Variants in ADAMTS19 observed in about 807,000 individuals in gnomAD.
ADAMTS19 encodes the protein A disintegrin and metalloproteinase with thrombospondin motifs 19.
ADAMTS19 carries 93 observed loss-of-function variants against 153.3 expected under a neutral mutation model. That is an observed-to-expected ratio of 0.61 (90% confidence interval 0.51 to 0.72). The LOEUF (loss-of-function observed/expected upper bound fraction) is 0.72. Ranked by LOEUF, ADAMTS19 falls within the 30% of genes least tolerant of loss-of-function variation. The pLI, the probability that ADAMTS19 is intolerant of heterozygous loss-of-function variation, is 0.00. For missense variants in ADAMTS19, 1,482 were observed against 1,552.1 expected (o/e 0.95, Z 0.76); for synonymous variants, 600 against 556.6 (o/e 1.08, Z -1.10).
At chr5:129,694,266 T>C (rs1755459894) in intron 18 of ADAMTS19, among the ~76,000 whole-genome samples, 2 of 152,276 alleles carry the variant, frequency 1.3e-5, no homozygotes, top group East Asian at 3.9e-4. Context: ...AATAATATCT[T>C]CATTGTTCTA....
At chr5:129,664,302 T>C (rs961593232) in intron 15 of ADAMTS19, among the ~76,000 whole-genome samples, 1 of 152,208 alleles carries the variant, frequency 6.6e-6, no homozygotes, top group African/African-American at 2.4e-5. Flanking sequence ...ATAAGCTCAC[T>C]GAGGGTAGAG....
At chr5:129,583,301 C>T (rs1239302566) in intron 7 of ADAMTS19, among the ~76,000 whole-genome samples, 3 of 152,156 alleles carry the variant, frequency 2.0e-5, no homozygotes, top group African/African-American at 7.2e-5. Flanking sequence ...ATGGGCTTCC[C>T]TTTGTGGATA....
At chr5:129,710,889 G>GT (rs1189004457) in intron 21 of ADAMTS19, among the ~76,000 whole-genome samples, 4 of 151,986 alleles carry the variant, frequency 2.6e-5, no homozygotes, top group Non-Finnish European at 5.9e-5. Context: ...TGCTTTTGTT[G>GT]TTTTTTTCTT....
intron 21 of ADAMTS19, among the ~76,000 whole-genome samples, chr5:129,711,392 T>C (rs1356860693): frequency 6.6e-6 from 1 of 152,280 alleles, no homozygotes; most frequent in African/African-American, 2.4e-5. Context: ...CTGACAATTC[T>C]TGACTGGGCA....
rs568079765 is a variant in ADAMTS19, at chr5:129,559,690, A to G, written c.1372+7783A>G. ...TCCTATATGCATTAAAGACATGTTT[A>G]TGATAGAAATGCAAACATATATCCA... On this transcript the variant is annotated intron_variant, in intron 7 of 22. Coordinates refer to ENST00000274487, the MANE Select transcript of ADAMTS19 (RefSeq NM_133638.6). Among the ~76,000 whole-genome samples the G allele has an allele frequency of 8.3e-4, 127 of 152,290 alleles. 1 individual carries two copies. The highest frequency in any genetic ancestry group is 2.7e-3 in the African/African-American group (114 of 41,586).
intron 10 of ADAMTS19, among the ~76,000 whole-genome samples, chr5:129,626,326 A>G (rs1752045578): frequency 6.6e-6 from 1 of 152,132 alleles, no homozygotes; most frequent in African/African-American, 2.4e-5. Flanking sequence ...CTATACTATC[A>G]GTTTTAACCA....
intron 2 of ADAMTS19, among the ~76,000 whole-genome samples, chr5:129,465,634 T>C (rs1162544864): frequency 6.6e-6 from 1 of 152,174 alleles, no homozygotes; most frequent in African/African-American, 2.4e-5. Flanking sequence ...GTGACTCCCA[T>C]TTAGACAAGG....
chr5:129,723,791 T>A (rs1240074972), intron 21 of ADAMTS19, among the ~76,000 whole-genome samples: 2 of 152,198 alleles, frequency 1.3e-5, no homozygotes, highest in Non-Finnish European at 2.9e-5. Flanking sequence ...TCTGAGAACG[T>A]GTACCCATGG....
At chr5:129,550,031 GATATAC>G (rs1346311553) in intron 6 of ADAMTS19, among the ~76,000 whole-genome samples, 2 of 98,690 alleles carry the variant, frequency 2.0e-5, no homozygotes, top group Non-Finnish European at 4.2e-5. Flanking sequence ...TGTATATCTA[GATATAC>G]ATATACATGT....
intron 2 of ADAMTS19, among the ~76,000 whole-genome samples, chr5:129,485,195 A>G (rs1750549175): frequency 6.6e-6 from 1 of 152,142 alleles, no homozygotes; most frequent in Non-Finnish European, 1.5e-5. Context: ...TGAATCACAA[A>G]AAGATCCTTA....
chr5:129,536,685 G>A (rs1752442441), intron 6 of ADAMTS19, among the ~76,000 whole-genome samples: 1 of 152,094 alleles, frequency 6.6e-6, no homozygotes. Flanking sequence ...ATGAGAGACT[G>A]GATTAAGAAA....
At chr5:129,643,367 C>CAAAAAAAAAAA (rs556007087) in intron 11 of ADAMTS19, among the ~76,000 whole-genome samples, 445 of 36,996 alleles carry the variant, frequency 0.012, no homozygotes, top group East Asian at 0.017. Flanking sequence ...GTTTCAAAGA[C>CAAAAAAAAAAA]AAAAAAAAAA....
chr5:129,621,361 C>A (rs1751767825), intron 9 of ADAMTS19, among the ~76,000 whole-genome samples: 1 of 152,066 alleles, frequency 6.6e-6, no homozygotes, highest in South Asian at 2.1e-4. Flanking sequence ...AAGCAGTAAG[C>A]AATATGCAAA....
Position 129,507,968 on chromosome 5 carries a change from C to G in ADAMTS19, c.748-1109C>G, listed in dbSNP as rs372420096. Among the ~76,000 whole-genome samples, 31 of 151,874 alleles carry G rather than the reference C, an allele frequency of 2.0e-4. No individual in the cohort carries two copies. In the South Asian group the frequency reaches 6.4e-3, roughly 32 times the overall value. On this transcript the variant is annotated intron_variant, in intron 2 of 22. Transcript: ENST00000274487. ...AGTGGAAGATGCAATACTAATAATT[C>G]AAACAAATTAAAAAAAATTCTGCTA...
intron 11 of ADAMTS19, among the ~76,000 whole-genome samples, chr5:129,647,003 T>C (rs1753091553): frequency 6.6e-6 from 1 of 152,112 alleles, no homozygotes; most frequent in African/African-American, 2.4e-5. Flanking sequence ...TCATTGCTTT[T>C]GTTTTCAGTG....
chr5:129,479,666 G>A (rs1750345177), intron 2 of ADAMTS19, among the ~76,000 whole-genome samples: 1 of 151,950 alleles, frequency 6.6e-6, no homozygotes, highest in Non-Finnish European at 1.5e-5. Context: ...ACTAATGAAC[G>A]ATTATAAATT....
intron 7 of ADAMTS19, among the ~76,000 whole-genome samples, chr5:129,556,204 A>G (rs1036260235): frequency 2.0e-5 from 3 of 152,190 alleles, no homozygotes; most frequent in South Asian, 2.1e-4. Context: ...AAGAAAATAC[A>G]TGCTATTATA....
At chr5:129,684,331 T>C (rs1257391629) in intron 18 of ADAMTS19, 58 bp downstream of exon 18, 2 of 1,580,664 alleles carry the variant, frequency 1.3e-6, no homozygotes, top group Non-Finnish European at 8.6e-7. Context: ...TGATTAAGCA[T>C]TGATAATTAA....
chr5:129,464,519 C>A (rs908147874), intron 2 of ADAMTS19, among the ~76,000 whole-genome samples: 2 of 152,114 alleles, frequency 1.3e-5, no homozygotes, highest in African/African-American at 4.8e-5. Context: ...GGTACCTGAA[C>A]TTTTCAATAT....
Sources: allele counts gnomAD v4.1 joint callset (sites outside exome capture counted in the v4.1 genomes callset), GRCh38; gene constraint gnomAD v4.1.1; transcripts MANE v1.5; gene names NCBI Gene and HGNC (gene_info 2026-07-23, HGNC 2026-07-21).